The following MKNK2 variants were observed in gnomAD, a reference collection of about 807,000 sequenced individuals.
MKNK2 encodes the protein MAPK interacting serine/threonine kinase 2.
A neutral mutation model predicts 55.0 loss-of-function variants in MKNK2; 54 were observed. The observed-to-expected ratio is 0.98, with a 90% confidence interval of 0.79 to 1.23. The LOEUF is 1.23. MKNK2 is among the 50% of genes most tolerant of loss of function. The probability of loss-of-function intolerance (pLI) is 0.00; values close to 1 mark genes in which losing one functional copy is unlikely to be tolerated. For synonymous variants in MKNK2, 323 were observed against 256.0 expected, an observed-to-expected ratio of 1.26 and a Z score of -2.50; for missense variants, 685 against 632.1, an observed-to-expected ratio of 1.08 and a Z score of -0.90.
intron 10 of MKNK2, 83 bp downstream of exon 10, chr19:2,042,344 G>A (rs1034509584): frequency 1.0e-5 from 13 of 1,261,472 alleles, no homozygotes; most frequent in Non-Finnish European, 9.0e-6. Flanking sequence ...GCGGCCTGGA[G>A]CTGCTGGATG....
chr19:2,044,804 G>A (rs889796142), intron 5 of MKNK2, among the ~76,000 whole-genome samples: 7 of 152,206 alleles, frequency 4.6e-5, no homozygotes, highest in African/African-American at 1.4e-4. Flanking sequence ...ACTGAACCTC[G>A]TCCTGTCCCT....
In MKNK2 at chr19:2,050,856, T is replaced by A. The variant is rs1230400250; in HGVS notation, c.-5A>T. ...GGCTGGTTTCTTCTGCACCATCTTC[T>A]GTCCGGGCCCCGCCAGCGGGGGAGG... On this transcript the variant is annotated 5_prime_UTR_variant, in exon 2 of 14. Transcript: ENST00000250896. The A allele has an allele frequency of 1.3e-5, 20 of 1,506,468 alleles. No individual in the cohort carries two copies. In the Admixed American group the frequency reaches 4.2e-4, roughly 32 times the overall value. 93.3% of individuals were successfully genotyped at this position (1,506,468 alleles called of 1,614,324 possible). A position where few individuals can be genotyped will look rare whatever the true frequency, so the allele number is the denominator to read the frequency against.
At chr19:2,040,371 G>T in intron 12 of MKNK2, 194 bp from the exon 13 acceptor site, 1 of 556,106 alleles carries the variant, frequency 1.8e-6, no homozygotes. Flanking sequence ...ATGTCCCCCT[G>T]CCCAGGGAAC....
chr19:2,040,294 G>T, intron 12 of MKNK2, 117 bp from the exon 13 acceptor site: 1 of 922,608 alleles, frequency 1.1e-6, no homozygotes, highest in South Asian at 1.8e-5. Flanking sequence ...CCCCACCGGA[G>T]ACCAGGAGTG....
intron 10 of MKNK2, 107 bp downstream of exon 10, chr19:2,042,320 G>C: frequency 9.6e-7 from 1 of 1,045,026 alleles, no homozygotes; most frequent in Non-Finnish European, 1.4e-6. Flanking sequence ...TTGCTAGGCG[G>C]AAGCCCGAGC....
At chr19:2,041,786 G>T in intron 11 of MKNK2, 54 bp downstream of exon 11, 1 of 1,430,352 alleles carries the variant, frequency 7.0e-7, no homozygotes, top group Non-Finnish European at 9.2e-7. Context: ...GGTGTTCAGG[G>T]CAGGCCCGGG....
chr19:2,041,045 G>A lies in MKNK2; in HGVS notation c.1105C>T (p.Gln369Ter). 6.2e-7 allele frequency: 1 copy of A among 1,613,834 alleles called. No homozygotes were observed. The highest frequency in any genetic ancestry group is 8.5e-7 in the Non-Finnish European group (1 of 1,179,916). Residue 369 changes from glutamine to a stop codon, truncating the protein, a stop_gained, in exon 12 of 14, where the codon CAG (glutamine) becomes TAG (stop). Transcript: ENST00000250896. LOFTEE classifies it high-confidence loss of function. ...AAQVLQHPWV[Q>*]GCAPENTLPT... ...CCCGTGCGGCTGGTACTCACCCCCTGAACCCAGGGGTGCTGCAGGACTTGG... is the reference window on the plus strand; with the variant it reads ...CCCGTGCGGCTGGTACTCACCCCCTAAACCCAGGGGTGCTGCAGGACTTGG...
rs1599378744 is a variant in MKNK2 at position 2,040,618 on chromosome 19, T to G, written c.1110+422A>C. The G allele has an allele frequency of 1.1e-5, 3 of 271,376 alleles. No homozygotes were observed. In the East Asian group the frequency reaches 2.3e-4, roughly 20 times the overall value. 16.8% of individuals were successfully genotyped at this position (271,376 alleles called of 1,614,324 possible). A position where few individuals can be genotyped will look rare whatever the true frequency, so the allele number is the denominator to read the frequency against. On this transcript the variant is annotated intron_variant, in intron 12 of 13. Coordinates refer to ENST00000250896, the MANE Select transcript of MKNK2 (RefSeq NM_199054.3). Reference sequence around the variant, plus strand: ...AATCCTCACTCCCTGGGGTGGCAGCTCAGCTCAGATGACCTCTGGCAGGAG... The same window carrying G: ...AATCCTCACTCCCTGGGGTGGCAGCGCAGCTCAGATGACCTCTGGCAGGAG...
At chr19:2,045,720 C>T (rs1012021298) in intron 5 of MKNK2, among the ~76,000 whole-genome samples, 5 of 152,204 alleles carry the variant, frequency 3.3e-5, no homozygotes, top group African/African-American at 4.8e-5. Context: ...GGGATCCAAC[C>T]GGCCCACAAG....
intron 5 of MKNK2, among the ~76,000 whole-genome samples, chr19:2,045,675 G>A (rs1043653142): frequency 1.3e-5 from 2 of 152,176 alleles, no homozygotes; most frequent in Non-Finnish European, 2.9e-5. Context: ...CGGATGCCAG[G>A]TCACGAGGGA....
intron 2 of MKNK2, among the ~76,000 whole-genome samples, chr19:2,047,288 C>G (rs929384891): frequency 1.3e-5 from 2 of 152,168 alleles, no homozygotes; most frequent in Non-Finnish European, 2.9e-5. Flanking sequence ...AGGGGTGCTG[C>G]TCAGCACCCT....
rs929542404 is a variant in MKNK2 at position 2,042,862 on chromosome 19, G to A, written c.502C>T (p.Leu168=). The change falls in exon 8 of 14, where the codon CTG becomes TTG. Residue 168 remains leucine (L), a synonymous_variant. Coordinates refer to ENST00000250896, the MANE Select transcript of MKNK2 (RefSeq NM_199054.3). The part of the protein sequence containing the change: ...VFEKMRGGSI[L]SHIHKRRHFN... The stretch of plus-strand genomic sequence containing the variant: ...TGCCGGCGCTTGTGGATGTGGCTCA[G>A]GATGGAGCCTGGGCAGGGCAGGGCA... 2 of 1,570,884 alleles carry A rather than the reference G, an allele frequency of 1.3e-6. No individual in the cohort carries two copies. The highest frequency in any genetic ancestry group is 2.7e-5 in the African/African-American group (2 of 73,994).
chr19:2,049,278 C>T (rs1028449980), intron 2 of MKNK2, among the ~76,000 whole-genome samples: 1 of 152,248 alleles, frequency 6.6e-6, no homozygotes. Context: ...CACCCACAGA[C>T]GTGCCTCCCT....
In MKNK2 at chr19:2,039,172, G is replaced by A. The variant is rs2016818691; in HGVS notation, c.*441C>T. 3 of 1,003,010 alleles carry A rather than the reference G, an allele frequency of 3.0e-6. No individual in the cohort carries two copies. The highest frequency in any genetic ancestry group is 3.6e-6 in the Non-Finnish European group (3 of 841,128). 62.1% of individuals were successfully genotyped at this position (1,003,010 alleles called of 1,614,324 possible). The stretch of plus-strand genomic sequence containing the variant: ...CCCTGAAATACTGCGGGCTGGGAGG[G>A]AACACGAGGGCAGGGTCCTGTGCCC... On this transcript the variant is annotated 3_prime_UTR_variant, in exon 14 of 14. Transcript: ENST00000250896.
Position 2,038,367 on chromosome 19 carries a change from G to C in MKNK2, c.*1246C>G. 4 of 986,650 alleles carry C rather than the reference G, an allele frequency of 4.1e-6. No individual in the cohort carries two copies. Among genetic ancestry groups the C allele is most frequent in the Non-Finnish European group, 4.8e-6 (4 of 830,486 alleles). 61.1% of individuals were successfully genotyped at this position (986,650 alleles called of 1,614,324 possible). On this transcript the variant is annotated 3_prime_UTR_variant, in exon 14 of 14. Coordinates refer to ENST00000250896, the MANE Select transcript of MKNK2 (RefSeq NM_199054.3). ...GGGGCTGCGCCGGGAAGGGCGGGCG[G>C]TGACCCTAGCCGCGCGCACTTCTAA...
rs571101114 is a variant in MKNK2, at chr19:2,049,887, T to A, written c.51+914A>T. Among the ~76,000 whole-genome samples, 6 of 152,240 alleles carry A rather than the reference T, an allele frequency of 3.9e-5. No individual in the cohort carries two copies. In the South Asian group the frequency reaches 1.2e-3, roughly 32 times the overall value. On this transcript the variant is annotated intron_variant, in intron 2 of 13. Transcript: ENST00000250896. ...CTCCTCCCACCCTGGAGCACCGCGT[T>A]GTGTGTACACACAAGACAGAGACAC...
In MKNK2 at chr19:2,038,135, G is replaced by A. The variant is rs531525000; in HGVS notation, c.*1478C>T. The A allele has an allele frequency of 2.6e-5, 28 of 1,064,748 alleles. No homozygotes were observed. Among genetic ancestry groups the A allele is most frequent in the Non-Finnish European group, 3.2e-5 (28 of 882,078 alleles). 66.0% of individuals were successfully genotyped at this position (1,064,748 alleles called of 1,614,324 possible). ...CCACCGGACTGTGACCATCATACGA[G>A]ATTCAGGAGGGGCAGCAGGGCCAGG... On this transcript the variant is annotated 3_prime_UTR_variant, in exon 14 of 14. Coordinates refer to ENST00000250896, the MANE Select transcript of MKNK2 (RefSeq NM_199054.3).
At position 2,046,260 on chromosome 19, in the gene MKNK2, C is replaced by T. The variant is rs371581793; in HGVS notation, c.265G>A (p.Val89Met). The change falls in exon 5 of 14, where the codon GTG becomes ATG. Residue 89 changes from valine (V) to methionine (M), a missense_variant. Val to Met is a conservative substitution (Grantham distance 21, BLOSUM62 1). Transcript: ENST00000250896. The part of the protein sequence containing the change: ...FEDVYQLQED[V>M]LGEGAHARVQ... ...CGGGCATGAGCGCCCTCCCCCAGCA[C>T]ATCTTCCTGCAGCTGGTAGACGTCT... 1.2e-6 allele frequency: 2 copies of T among 1,605,194 alleles called. No individual in the cohort carries two copies. The highest frequency in any genetic ancestry group is 2.7e-5 in the African/African-American group (2 of 74,924).
chr19:2,049,279 G>A (rs1023549137), intron 2 of MKNK2, among the ~76,000 whole-genome samples: 2 of 152,240 alleles, frequency 1.3e-5, no homozygotes, highest in South Asian at 4.1e-4. Flanking sequence ...ACCCACAGAC[G>A]TGCCTCCCTG....
Sources: gnomAD v4.1 joint callset for allele counts (sites outside exome capture counted in the v4.1 genomes callset) on GRCh38, gnomAD v4.1.1 for gene constraint, MANE v1.5 for transcripts, NCBI Gene and HGNC (gene_info 2026-07-23, HGNC 2026-07-21) for gene names.